The following EXT1 variants were observed in gnomAD, a reference collection of about 807,000 sequenced individuals.
EXT1 encodes the protein exostosin-1.
Under a neutral mutation model 82.5 loss-of-function variants are expected in EXT1, and 20 were observed. The ratio of observed to expected loss-of-function variants is 0.24; its 90% CI spans 0.17 to 0.35. The LOEUF (loss-of-function observed/expected upper bound fraction) is 0.35. Among genes scored for constraint, EXT1 ranks in the 10% least tolerant of loss-of-function variants. EXT1 has a pLI of 1.00. For synonymous variants in EXT1, 348 were observed against 350.8 expected (o/e 0.99, Z 0.09); for missense variants, 757 against 936.5 (o/e 0.81, Z 2.50).
At chr8:117,858,264 T>C (rs1229818896) in intron 1 of EXT1, among the ~76,000 whole-genome samples, 1 of 152,210 alleles carries the variant, frequency 6.6e-6, no homozygotes, top group Non-Finnish European at 1.5e-5. Context: ...GTAGGTAAAA[T>C]GCTATCAAAC....
intron 1 of EXT1, among the ~76,000 whole-genome samples, chr8:117,937,162 G>C (rs1325181044): frequency 2.0e-5 from 3 of 152,106 alleles, no homozygotes; most frequent in Admixed American, 1.3e-4. Context: ...TATTTTCCCA[G>C]AGTGGCTGTA....
At chr8:118,091,692 C>T (rs1817527400) in intron 1 of EXT1, among the ~76,000 whole-genome samples, 2 of 152,248 alleles carry the variant, frequency 1.3e-5, no homozygotes, top group African/African-American at 2.4e-5. Context: ...TTGCAATGAG[C>T]CAAGATCGCA....
intron 1 of EXT1, among the ~76,000 whole-genome samples, chr8:118,010,326 T>C (rs957290362): frequency 2.1e-5 from 3 of 144,812 alleles, no homozygotes; most frequent in Non-Finnish European, 4.5e-5. Context: ...GAGCTGAGAT[T>C]GCGCCACTGC....
intron 1 of EXT1, among the ~76,000 whole-genome samples, chr8:118,029,981 G>C (rs1156572374): frequency 6.6e-6 from 1 of 152,092 alleles, no homozygotes; most frequent in Non-Finnish European, 1.5e-5. Flanking sequence ...ATACAATGTG[G>C]GTGGCCTAAA....
At position 117,807,360 on chromosome 8, in the gene EXT1, T is replaced by C. The variant is rs1340368285; in HGVS notation, c.1740A>G (p.Thr580=). ...TCCTCTCAGGGAAGCTCTGCCACAC[T>C]GTGAAGGCGAAATCCACCTGCAGGC... ...LSTTEVDFAF[T]VWQSFPERIV... The change falls in exon 9 of 11, where the codon ACA becomes ACG. Residue 580 remains threonine, a synonymous_variant. Transcript: ENST00000378204. The C allele has an allele frequency of 1.9e-6, 3 of 1,614,176 alleles. No homozygotes were observed. The highest frequency in any genetic ancestry group is 1.6e-4 in the Middle Eastern group (1 of 6,062).
At chr8:117,847,487 C>T (rs10109062) in intron 1 of EXT1, among the ~76,000 whole-genome samples, 14,365 of 152,232 alleles carry the variant, frequency 0.094, 944 homozygotes, top group African/African-American at 0.19. Flanking sequence ...CCAGCCCTGA[C>T]AAATAGCATT....
chr8:117,900,998 T>C (rs991354994), intron 1 of EXT1, among the ~76,000 whole-genome samples: 14 of 152,200 alleles, frequency 9.2e-5, no homozygotes, highest in African/African-American at 3.4e-4. Flanking sequence ...CAGTCTTACA[T>C]GAAGCAGAGA....
chr8:117,895,872 C>T (rs1335352671), intron 1 of EXT1, among the ~76,000 whole-genome samples: 1 of 152,178 alleles, frequency 6.6e-6, no homozygotes, highest in Non-Finnish European at 1.5e-5. Context: ...TCCAAAGTAA[C>T]GCTCATTACC....
At chr8:117,923,490 G>A (rs948034685) in intron 1 of EXT1, among the ~76,000 whole-genome samples, 3 of 151,804 alleles carry the variant, frequency 2.0e-5, no homozygotes, top group African/African-American at 7.3e-5. Flanking sequence ...GGCCAAGGCG[G>A]GCAGATCACG....
At chr8:117,923,022 A>ATTTAACAAGTCC (rs1259080585) in intron 1 of EXT1, among the ~76,000 whole-genome samples, 3 of 152,002 alleles carry the variant, frequency 2.0e-5, no homozygotes, top group Non-Finnish European at 2.9e-5. Context: ...AGCAAAAGTC[A>ATTTAACAAGTCC]TTTAGCCCAA....
intron 1 of EXT1, among the ~76,000 whole-genome samples, chr8:117,971,475 G>A (rs1202266559): frequency 6.6e-6 from 1 of 151,888 alleles, no homozygotes; most frequent in Non-Finnish European, 1.5e-5. Flanking sequence ...GAAACTTACA[G>A]GAAGAAAAAA....
At chr8:117,814,573 T>C (rs540378846) in intron 7 of EXT1, among the ~76,000 whole-genome samples, 1 of 152,196 alleles carries the variant, frequency 6.6e-6, no homozygotes, top group East Asian at 1.9e-4. Context: ...TGTGACTCTA[T>C]AGAGCACCTT....
At chr8:118,102,689 GTA>G (rs1475132062) in intron 1 of EXT1, among the ~76,000 whole-genome samples, 1 of 152,110 alleles carries the variant, frequency 6.6e-6, no homozygotes, top group Non-Finnish European at 1.5e-5. Flanking sequence ...AAACATATAG[GTA>G]TATATATGTG....
intron 1 of EXT1, among the ~76,000 whole-genome samples, chr8:117,916,231 C>T (rs1234899981): frequency 6.6e-6 from 1 of 152,218 alleles, no homozygotes; most frequent in African/African-American, 2.4e-5. Flanking sequence ...ATTTCCTTGA[C>T]ACCTGGGTGG....
chr8:117,984,511 A>T (rs1815275129), intron 1 of EXT1, among the ~76,000 whole-genome samples: 1 of 152,066 alleles, frequency 6.6e-6, no homozygotes, highest in Non-Finnish European at 1.5e-5. Context: ...CGCCTCCCTC[A>T]TGACTGACTT....
intron 1 of EXT1, among the ~76,000 whole-genome samples, chr8:117,967,381 C>T (rs1814845228): frequency 6.6e-6 from 1 of 152,144 alleles, no homozygotes; most frequent in Admixed American, 6.6e-5. Context: ...TAGTCAATGA[C>T]CAAGGTAATG....
intron 1 of EXT1, among the ~76,000 whole-genome samples, chr8:118,079,427 C>G (rs2129978845): frequency 6.6e-6 from 1 of 152,244 alleles, no homozygotes; most frequent in African/African-American, 2.4e-5. Flanking sequence ...AAAGGTTAGA[C>G]AGCCACTCAA....
intron 3 of EXT1, among the ~76,000 whole-genome samples, chr8:117,831,236 T>A (rs1480000017): frequency 6.6e-6 from 1 of 152,142 alleles, no homozygotes; most frequent in Admixed American, 6.6e-5. Context: ...CTTGAATGAG[T>A]TAGCTGATTT....
intron 2 of EXT1, 33 bp from the exon 3 acceptor site, chr8:117,835,584 G>C: frequency 6.7e-7 from 1 of 1,485,240 alleles, no homozygotes; most frequent in African/African-American, 1.4e-5. Flanking sequence ...TGAATGTGAG[G>C]AAAGCGACAG....
Sources: allele counts gnomAD v4.1 joint callset (sites outside exome capture counted in the v4.1 genomes callset), GRCh38; gene constraint gnomAD v4.1.1; transcripts MANE v1.5; gene names NCBI Gene and HGNC (gene_info 2026-07-23, HGNC 2026-07-21).